The following CFAP206 variants were observed in gnomAD, a reference collection of about 807,000 sequenced individuals.
The protein encoded by CFAP206 is cilia- and flagella-associated protein 206.
A neutral mutation model predicts 65.4 loss-of-function variants in CFAP206; 53 were observed. The observed-to-expected ratio is 0.81, with a 90% CI of 0.65 to 1.02. The LOEUF is 1.02. Ranked by LOEUF, CFAP206 falls within the 50% of genes least tolerant of loss-of-function variation. CFAP206 has a pLI of 0.00. For synonymous variants in CFAP206, 250 were observed against 254.4 expected, an observed-to-expected ratio of 0.98 and a Z score of 0.17; for missense variants, 663 against 753.2, an observed-to-expected ratio of 0.88 and a Z score of 1.40.
intron 1 of CFAP206, among the ~76,000 whole-genome samples, chr6:87,409,380 A>C (rs916689951): frequency 6.6e-6 from 1 of 151,836 alleles, no homozygotes; most frequent in African/African-American, 2.4e-5. Context: ...CTCCCGGCTA[A>C]TTTTGTATTT....
intron 4 of CFAP206, among the ~76,000 whole-genome samples, 187 bp downstream of exon 4, chr6:87,414,087 G>C (rs1026134589): frequency 6.6e-6 from 1 of 152,094 alleles, no homozygotes; most frequent in African/African-American, 2.4e-5. Context: ...CTTTGTGAGT[G>C]TTAAAAGTGA....
chr6:87,450,438 A>T (rs1046564102), intron 11 of CFAP206, among the ~76,000 whole-genome samples: 5 of 150,406 alleles, frequency 3.3e-5, no homozygotes, highest in Admixed American at 1.3e-4. Flanking sequence ...CCATTTCTTT[A>T]TAAATGTGTG....
intron 2 of CFAP206, 141 bp from the exon 3 acceptor site, chr6:87,410,441 TAAG>T (rs766203212): frequency 2.0e-5 from 14 of 690,526 alleles, no homozygotes; most frequent in Non-Finnish European, 3.4e-5. Flanking sequence ...AGTTCAGTAA[TAAG>T]AAGAATAGTT....
At chr6:87,417,490 C>T (rs895757556) in intron 6 of CFAP206, among the ~76,000 whole-genome samples, 1 of 151,122 alleles carries the variant, frequency 6.6e-6, no homozygotes, top group Non-Finnish European at 1.5e-5. Context: ...TCATAAATGA[C>T]CCTCCCTTGC....
At chr6:87,460,715 C>T (rs1042972960) in intron 11 of CFAP206, among the ~76,000 whole-genome samples, 4 of 151,964 alleles carry the variant, frequency 2.6e-5, no homozygotes, top group South Asian at 2.1e-4. Context: ...AATCCTGCCT[C>T]GAATCTCAGC....
intron 11 of CFAP206, among the ~76,000 whole-genome samples, chr6:87,451,596 T>C (rs1240811857): frequency 6.6e-6 from 1 of 151,526 alleles, no homozygotes; most frequent in Non-Finnish European, 1.5e-5. Context: ...AGCACATTCA[T>C]AGCTGTGGTG....
At chr6:87,444,583 C>CCATTCCAGG in intron 11 of CFAP206, 1 of 312,450 alleles carries the variant, frequency 3.2e-6, no homozygotes, top group South Asian at 3.5e-5. Flanking sequence ...GGCATTCCTG[C>CCATTCCAGG]CATTCCAGGC....
Position 87,435,079 on chromosome 6 carries a change from T to C in CFAP206, c.1494+26T>C, listed in dbSNP as rs759276983. 1.2e-5 allele frequency: 17 copies of C among 1,461,592 alleles called. No homozygotes were observed. The South Asian group carries it at 1.9e-4, about 16-fold the overall frequency. The allele number at this position is 1,461,592 out of a possible 1,614,324, so 90.5% of individuals were successfully genotyped here. ...GTAAGCAGGGTCAATATTTTATGAATTTATGACATTTAAAAATATAGTTAA... is the reference window on the plus strand; with the variant it reads ...GTAAGCAGGGTCAATATTTTATGAACTTATGACATTTAAAAATATAGTTAA... On this transcript the variant is annotated intron_variant, in intron 11 of 12. Coordinates refer to ENST00000369562, the MANE Select transcript of CFAP206 (RefSeq NM_001031743.3).
Position 87,462,107 on chromosome 6 carries a change from T to G in CFAP206, c.1638+942T>G, listed in dbSNP as rs111884493. Among the ~76,000 whole-genome samples the G allele has an allele frequency of 7.3e-3, 1,116 of 152,296 alleles. 21 individuals carry two copies. Among genetic ancestry groups the G allele is most frequent in the African/African-American group, 0.026 (1,063 of 41,540 alleles). On this transcript the variant is annotated intron_variant, in intron 12 of 12. Coordinates refer to ENST00000369562, the MANE Select transcript of CFAP206 (RefSeq NM_001031743.3). ...GGAGAAGTTGGCTAAGTCTTCAACA[T>G]TCTGGGTCAACTGCTACAGCTATAG...
In CFAP206 at chr6:87,418,401, C is replaced by G. The variant is rs1198019411; in HGVS notation, c.825C>G (p.Phe275Leu). 6.2e-7 allele frequency: 1 copy of G among 1,613,890 alleles called. No individual in the cohort carries two copies. Among genetic ancestry groups the G allele is most frequent in the Non-Finnish European group, 8.5e-7 (1 of 1,179,948 alleles). Residue 275 changes from phenylalanine (F) to leucine (L), a missense_variant, in exon 7 of 13, where the codon TTC (phenylalanine) becomes TTG (leucine). Physicochemically the swap from Phe to Leu is conservative, Grantham distance 22. Transcript: ENST00000369562. ...ATAATATACGACAATATGAGGTCTT[C>G]CTTCAGATCATTTTGGTGAGTTAAG... is the stretch of plus-strand genomic sequence containing the variant. ...ALYNIRQYEV[F>L]LQIILSDIIT...
chr6:87,428,369 T>C (rs1201455487), intron 8 of CFAP206, among the ~76,000 whole-genome samples: 1 of 151,982 alleles, frequency 6.6e-6, no homozygotes, highest in Non-Finnish European at 1.5e-5. Context: ...GGTGATCACA[T>C]GTGTTTGGCT....
chr6:87,422,837 C>G (rs1451635877), intron 7 of CFAP206, among the ~76,000 whole-genome samples: 3 of 151,964 alleles, frequency 2.0e-5, no homozygotes, highest in East Asian at 3.9e-4. Context: ...AGAGTAATTT[C>G]TAGGACATTA....
intron 11 of CFAP206, among the ~76,000 whole-genome samples, chr6:87,453,690 T>C (rs761308392): frequency 1.1e-4 from 16 of 152,128 alleles, no homozygotes; most frequent in Non-Finnish European, 7.3e-5. Flanking sequence ...GGTTATAAGA[T>C]GTTACTTGCA....
chr6:87,456,712 T>C (rs187806091), intron 11 of CFAP206, among the ~76,000 whole-genome samples: 1 of 152,324 alleles, frequency 6.6e-6, no homozygotes, highest in African/African-American at 2.4e-5. Flanking sequence ...AGCATTTCTG[T>C]ATGCTAAAAG....
intron 11 of CFAP206, among the ~76,000 whole-genome samples, chr6:87,459,274 A>C (rs543500797): frequency 1.9e-4 from 29 of 152,254 alleles, no homozygotes; most frequent in African/African-American, 7.0e-4. Context: ...TTTGTCTGTA[A>C]GATGAAATCC....
chr6:87,463,967 A>G, intron 12 of CFAP206, 53 bp from the exon 13 acceptor site: 2 of 1,415,064 alleles, frequency 1.4e-6, no homozygotes, highest in Non-Finnish European at 1.9e-6. Flanking sequence ...ATAATATTTT[A>G]TGTTATTTGT....
chr6:87,460,898 G>T, intron 11 of CFAP206, 124 bp from the exon 12 acceptor site: 1 of 710,236 alleles, frequency 1.4e-6, no homozygotes, highest in South Asian at 2.2e-5. Flanking sequence ...GTATTTACAA[G>T]TATATTCCAT....
chr6:87,431,154 A>C lies in CFAP206; in HGVS notation c.1281A>C (p.Thr427=), dbSNP rs1213718662. 2 of 1,613,946 alleles carry C rather than the reference A, an allele frequency of 1.2e-6. No homozygotes were observed. The highest frequency in any genetic ancestry group is 3.3e-5 in the Admixed American group (2 of 60,004). The change falls in exon 10 of 13, where the codon ACA becomes ACC. Residue 427 remains threonine (T), a synonymous_variant. Transcript: ENST00000369562. The part of the protein sequence containing the change: ...RGFCAYTFAA[T]DGLLLPGNPA... ...TTTGTGCTTACACGTTTGCTGCAACAGATGGTCTTCTCCTTCCAGGTATAT... is the reference window on the plus strand; with the variant it reads ...TTTGTGCTTACACGTTTGCTGCAACCGATGGTCTTCTCCTTCCAGGTATAT...
chr6:87,459,470 TGCAGATAA>T (rs1451624781), intron 11 of CFAP206, among the ~76,000 whole-genome samples: 1 of 152,178 alleles, frequency 6.6e-6, no homozygotes, highest in East Asian at 1.9e-4. Flanking sequence ...ATTATTGTCA[TGCAGATAA>T]GCAGATATAA....
Sources: allele counts gnomAD v4.1 joint callset (sites outside exome capture counted in the v4.1 genomes callset), GRCh38; gene constraint gnomAD v4.1.1; transcripts MANE v1.5; gene names NCBI Gene and HGNC (gene_info 2026-07-23, HGNC 2026-07-21).